C16orf78: variants seen among roughly 807,000 people sequenced by gnomAD.
C16orf78 encodes chromosome 16 open reading frame 78, also known as uncharacterized protein C16orf78.
In C16orf78, 19 loss-of-function variants were observed where a neutral mutation model predicts 27.3. The ratio of observed to expected loss-of-function variants is 0.70; its 90% CI spans 0.49 to 1.02. C16orf78 has a LOEUF of 1.02. Among genes scored for constraint, C16orf78 ranks in the 50% least tolerant of loss-of-function variants. The pLI is 0.00. For synonymous variants in C16orf78, 130 were observed against 116.1 expected (o/e 1.12, Z -0.77); for missense variants, 339 against 337.0 (o/e 1.01, Z -0.05).
In C16orf78 at chr16:49,373,867, G is replaced by C; in HGVS notation, c.-73G>C. 1.3e-6 allele frequency: 2 copies of C among 1,574,254 alleles called. No individual in the cohort carries two copies. Among genetic ancestry groups the C allele is most frequent in the Non-Finnish European group, 1.7e-6 (2 of 1,153,856 alleles). ...ACCTTCTAAGTCACCAGGCCATCAA[G>C]TCCAGACAAAGGGATCGAAAGAGTG... is the stretch of plus-strand genomic sequence containing the variant. On this transcript the variant is annotated 5_prime_UTR_variant, in exon 1 of 5. Coordinates refer to ENST00000299191, the MANE Select transcript of C16orf78 (RefSeq NM_144602.4).
chr16:49,394,669 G>T (rs1245812160), intron 3 of C16orf78, among the ~76,000 whole-genome samples: 2 of 151,900 alleles, frequency 1.3e-5, no homozygotes, highest in Non-Finnish European at 2.9e-5. Context: ...ATCATTATTG[G>T]CAATGTTCTA....
At chr16:49,377,697 G>A (rs1164464549) in intron 1 of C16orf78, 34 bp from the exon 2 acceptor site, 4 of 1,592,716 alleles carry the variant, frequency 2.5e-6, no homozygotes, top group Admixed American at 1.8e-5. Context: ...CCCCACAGCA[G>A]TGGCTGCAGG....
chr16:49,377,840 C>T lies in C16orf78; in HGVS notation c.260C>T (p.Thr87Ile), dbSNP rs752240248. Residue 87 changes from threonine to isoleucine, a missense_variant, in exon 2 of 5, where the codon ACT (threonine) becomes ATT (isoleucine). Coordinates refer to ENST00000299191, the MANE Select transcript of C16orf78 (RefSeq NM_144602.4). ...GGAGGGAACCGCAGGGACACGGAGACTTCCCAGCAGGTAATGCAGCCCCTC... is the reference window on the plus strand; with the variant it reads ...GGAGGGAACCGCAGGGACACGGAGATTTCCCAGCAGGTAATGCAGCCCCTC... ...ARGGNRRDTETSQQALGKRFR... is the reference protein window; with the variant it reads ...ARGGNRRDTEISQQALGKRFR... 6.3e-7 allele frequency: 1 copy of T among 1,575,336 alleles called. No homozygotes were observed. Among genetic ancestry groups the T allele is most frequent in the African/African-American group, 1.3e-5 (1 of 74,354 alleles).
chr16:49,396,694 C>T lies in C16orf78; in HGVS notation c.650+16C>T. 1.2e-6 allele frequency: 2 copies of T among 1,601,504 alleles called. No individual in the cohort carries two copies. Among genetic ancestry groups the T allele is most frequent in the Non-Finnish European group, 1.7e-6 (2 of 1,179,014 alleles). On this transcript the variant is annotated intron_variant, in intron 4 of 4. Transcript: ENST00000299191. Reference sequence around the variant, plus strand: ...TGAGCTGCCGGTGAGAGCTGCCACCCCCTGGGCAGATGGGGTGGGGTCCTG... The same window carrying T: ...TGAGCTGCCGGTGAGAGCTGCCACCTCCTGGGCAGATGGGGTGGGGTCCTG...
chr16:49,374,390 GA>G, intron 1 of C16orf78, among the ~76,000 whole-genome samples: 1 of 152,260 alleles, frequency 6.6e-6, no homozygotes, highest in East Asian at 1.9e-4. Flanking sequence ...AGGTCCTTGA[GA>G]AAAACATTCC....
intron 3 of C16orf78, among the ~76,000 whole-genome samples, chr16:49,390,263 T>G (rs1214162216): frequency 6.6e-6 from 1 of 152,212 alleles, no homozygotes; most frequent in Non-Finnish European, 1.5e-5. Context: ...AATTCTTGGT[T>G]TACAGTTTTC....
rs576580860 is a variant in C16orf78, at chr16:49,392,140, A to C, written c.395-4283A>C. Among the ~76,000 whole-genome samples the C allele has an allele frequency of 3.9e-5, 6 of 152,302 alleles. No homozygotes were observed. The South Asian group carries it at 1.2e-3, about 32-fold the overall frequency. ...AAAATTCCCAAACTTTGTTGATGAA[A>C]TCTTACAAGCTTACAGACAGAATAA... On this transcript the variant is annotated intron_variant, in intron 3 of 4. Transcript: ENST00000299191.
intron 4 of C16orf78, 117 bp downstream of exon 4, chr16:49,396,795 T>C: frequency 7.4e-7 from 1 of 1,348,764 alleles, no homozygotes; most frequent in Non-Finnish European, 9.9e-7. Flanking sequence ...AGGGGCTTGG[T>C]GTGGCTGAGC....
chr16:49,374,087 G>A lies in C16orf78; in HGVS notation c.148G>A (p.Glu50Lys), dbSNP rs373806217. 2.5e-5 allele frequency: 41 copies of A among 1,613,978 alleles called. No homozygotes were observed. The highest frequency in any genetic ancestry group is 6.6e-5 in the South Asian group (6 of 91,066). ...RRQGKKKQAP[E>K]KQKPKVVTVL... Reference sequence around the variant, plus strand: ...GCAGGGGAAGAAGAAACAAGCTCCCGAGGTGGGTACCATCCAAGAGAAATG... The same window carrying A: ...GCAGGGGAAGAAGAAACAAGCTCCCAAGGTGGGTACCATCCAAGAGAAATG... The change falls in exon 1 of 5, where the codon GAG (glutamate) becomes AAG (lysine). Residue 50 changes from glutamate (E) to lysine (K), a missense_variant and splice_region_variant. Transcript: ENST00000299191.
intron 3 of C16orf78, among the ~76,000 whole-genome samples, chr16:49,384,673 A>G (rs1965326736): frequency 6.6e-6 from 1 of 152,212 alleles, no homozygotes; most frequent in African/African-American, 2.4e-5. Context: ...AAAGAGATGT[A>G]CATTAAGATT....
intron 4 of C16orf78, among the ~76,000 whole-genome samples, chr16:49,398,269 C>T (rs770055048): frequency 7.9e-5 from 12 of 152,138 alleles, no homozygotes; most frequent in Non-Finnish European, 1.3e-4. Flanking sequence ...GCTCCTCTCC[C>T]ATAGTCTGTG....
At chr16:49,378,112 C>G (rs1965243308) in intron 2 of C16orf78, among the ~76,000 whole-genome samples, 2 of 152,162 alleles carry the variant, frequency 1.3e-5, no homozygotes, top group East Asian at 1.9e-4. Flanking sequence ...TGAAACCATT[C>G]AAGAAGGCCA....
chr16:49,387,742 T>C (rs1054004680), intron 3 of C16orf78, among the ~76,000 whole-genome samples: 7 of 152,236 alleles, frequency 4.6e-5, no homozygotes, highest in South Asian at 4.1e-4. Context: ...GAGCTCATTA[T>C]TAGTCTGTTC....
intron 2 of C16orf78, among the ~76,000 whole-genome samples, chr16:49,378,219 G>A (rs1005984806): frequency 2.8e-4 from 42 of 152,178 alleles, no homozygotes; most frequent in Admixed American, 2.0e-3. Context: ...GGCCTCCGAG[G>A]GCCTGTGTTT....
chr16:49,396,699 G>A (rs531614691), intron 4 of C16orf78, 21 bp downstream of exon 4: 2 of 1,599,740 alleles, frequency 1.3e-6, no homozygotes, highest in East Asian at 4.5e-5. Flanking sequence ...CCACCCCCTG[G>A]GCAGATGGGG....
At chr16:49,395,182 C>G (rs1965456463) in intron 3 of C16orf78, among the ~76,000 whole-genome samples, 2 of 152,122 alleles carry the variant, frequency 1.3e-5, no homozygotes, top group African/African-American at 4.8e-5. Context: ...TAGACATGAG[C>G]CAGCATGCCC....
At chr16:49,393,801 G>A (rs1965441677) in intron 3 of C16orf78, among the ~76,000 whole-genome samples, 1 of 151,994 alleles carries the variant, frequency 6.6e-6, no homozygotes, top group African/African-American at 2.4e-5. Context: ...TATAAAGCTA[G>A]CTTTTTGAAA....
At chr16:49,385,174 T>G (rs1242969941) in intron 3 of C16orf78, among the ~76,000 whole-genome samples, 1 of 152,148 alleles carries the variant, frequency 6.6e-6, no homozygotes, top group African/African-American at 2.4e-5. Flanking sequence ...ATGAATGACT[T>G]TCAACTCTAG....
At position 49,378,505 on chromosome 16, in the gene C16orf78, C is replaced by T; in HGVS notation, c.306C>T (p.Ser102=). ...AGAGATTCAGGAAGGACGCCGCCTC[C>T]TACCGAAGCCTCTATGGAGTGGAGC... ...LGKRFRKDAA[S]YRSLYGVEQK... Residue 102 remains serine, a synonymous_variant, in exon 3 of 5, where the codon TCC becomes TCT. Transcript: ENST00000299191. The T allele has an allele frequency of 6.2e-7, 1 of 1,605,954 alleles. No homozygotes were observed. Among genetic ancestry groups the T allele is most frequent in the Non-Finnish European group, 8.5e-7 (1 of 1,176,012 alleles).
Sources: gnomAD v4.1 joint callset for allele counts (sites outside exome capture counted in the v4.1 genomes callset) on GRCh38, gnomAD v4.1.1 for gene constraint, MANE v1.5 for transcripts, NCBI Gene and HGNC (gene_info 2026-07-23, HGNC 2026-07-21) for gene names.